The following GPR39 variants were observed in gnomAD, a reference collection of about 807,000 sequenced individuals.
The protein encoded by GPR39 is zinc sensing receptor.
Under a neutral mutation model 18.4 loss-of-function variants are expected in GPR39, and 23 were observed. The observed-to-expected ratio is 1.25, with a 90% CI of 0.90 to 1.77. The LOEUF (loss-of-function observed/expected upper bound fraction) is 1.77. GPR39 is among the 40% of genes most tolerant of loss of function. GPR39 has a pLI of 0.00. For missense variants in GPR39, 647 were observed against 602.4 expected (o/e 1.07, Z -0.78); for synonymous variants, 280 against 257.9 (o/e 1.09, Z -0.82).
chr2:132,549,915 T>A (rs1243800613), intron 1 of GPR39, among the ~76,000 whole-genome samples: 1 of 152,236 alleles, frequency 6.6e-6, no homozygotes, highest in Non-Finnish European at 1.5e-5. Flanking sequence ...TGTCTTTTTG[T>A]GATGCTCATA....
At chr2:132,437,606 G>T (rs1680349463) in intron 1 of GPR39, among the ~76,000 whole-genome samples, 1 of 152,152 alleles carries the variant, frequency 6.6e-6, no homozygotes, top group South Asian at 2.1e-4. Flanking sequence ...TAGTCTTTGG[G>T]GGTCTTCTCT....
chr2:132,430,939 C>G (rs949300848), intron 1 of GPR39, among the ~76,000 whole-genome samples: 4 of 152,272 alleles, frequency 2.6e-5, no homozygotes, highest in African/African-American at 9.6e-5. Flanking sequence ...CTTCCCCTTC[C>G]CCCTGGCTGA....
At chr2:132,440,175 A>C (rs910034218) in intron 1 of GPR39, among the ~76,000 whole-genome samples, 2 of 152,184 alleles carry the variant, frequency 1.3e-5, no homozygotes, top group African/African-American at 2.4e-5. Context: ...AGCCATCTCC[A>C]AAGGACAGAG....
intron 1 of GPR39, among the ~76,000 whole-genome samples, chr2:132,615,359 AC>A (rs1014582723): frequency 1.3e-5 from 2 of 151,940 alleles, no homozygotes; most frequent in Non-Finnish European, 2.9e-5. Context: ...CTGGAGGCCC[AC>A]CCCCGCTTTG....
At chr2:132,564,948 C>T (rs1464181477) in intron 1 of GPR39, among the ~76,000 whole-genome samples, 1 of 151,114 alleles carries the variant, frequency 6.6e-6, no homozygotes, top group Non-Finnish European at 1.5e-5. Flanking sequence ...TCTTGAGTAG[C>T]TGGGATTACA....
chr2:132,622,469 G>C (rs1681460349), intron 1 of GPR39, among the ~76,000 whole-genome samples: 1 of 152,152 alleles, frequency 6.6e-6, no homozygotes, highest in Admixed American at 6.5e-5. Context: ...CATGGACCAG[G>C]GAAACAGTCT....
Position 132,457,289 on chromosome 2 carries a change from C to T in GPR39, c.856+39391C>T, listed in dbSNP as rs539814117. Among the ~76,000 whole-genome samples the T allele has an allele frequency of 3.3e-3, 497 of 152,288 alleles. 4 individuals are homozygous for T. The highest frequency in any genetic ancestry group is 0.012 in the African/African-American group (478 of 41,552). On this transcript the variant is annotated intron_variant, in intron 1 of 1. Transcript: ENST00000329321. ...ATGGAATCAGCTATTGAAGCTTATGCGTGCATCATGAAGTTCTCGTGCTAT... is the reference window on the plus strand; with the variant it reads ...ATGGAATCAGCTATTGAAGCTTATGTGTGCATCATGAAGTTCTCGTGCTAT...
chr2:132,532,956 C>T (rs1465412940), intron 1 of GPR39, among the ~76,000 whole-genome samples: 2 of 152,258 alleles, frequency 1.3e-5, no homozygotes, highest in East Asian at 1.9e-4. Flanking sequence ...TGCCCTCTCT[C>T]ACCACTCCTA....
rs145970253 is a variant in GPR39, at chr2:132,543,468, C to T, written c.857-101633C>T. On this transcript the variant is annotated intron_variant, in intron 1 of 1. Coordinates refer to ENST00000329321, the MANE Select transcript of GPR39 (RefSeq NM_001508.3). Reference sequence around the variant, plus strand: ...TCAGAGGTTCTCCAGGGTCGCTTCCCTTACTATCTTCCTAAAGCAAGCTGG... The same window carrying T: ...TCAGAGGTTCTCCAGGGTCGCTTCCTTTACTATCTTCCTAAAGCAAGCTGG... Among the ~76,000 whole-genome samples the T allele has an allele frequency of 3.7e-3, 563 of 152,248 alleles. 2 individuals are homozygous for T. Among genetic ancestry groups the T allele is most frequent in the African/African-American group, 0.013 (521 of 41,550 alleles).
At chr2:132,644,949 CT>C in intron 1 of GPR39, 151 bp from the exon 2 acceptor site, 2 of 803,612 alleles carry the variant, frequency 2.5e-6, no homozygotes, top group Non-Finnish European at 3.8e-6. Context: ...GCAAAAGAAG[CT>C]GTCAAGTCCA....
intron 1 of GPR39, among the ~76,000 whole-genome samples, chr2:132,543,849 G>A (rs114850205): frequency 0.012 from 1,874 of 152,282 alleles, 47 homozygotes; most frequent in African/African-American, 0.043. Flanking sequence ...AGAATAGGCA[G>A]CTAATGTTTC....
intron 1 of GPR39, among the ~76,000 whole-genome samples, chr2:132,445,637 TTTA>T (rs1363589496): frequency 2.6e-5 from 4 of 151,178 alleles, no homozygotes; most frequent in Non-Finnish European, 5.9e-5. Flanking sequence ...TATACAGGGA[TTTA>T]TTGTTGTGTC....
At chr2:132,448,999 C>T (rs1299005320) in intron 1 of GPR39, among the ~76,000 whole-genome samples, 1 of 152,216 alleles carries the variant, frequency 6.6e-6, no homozygotes, top group Non-Finnish European at 1.5e-5. Flanking sequence ...CAACCCCCTG[C>T]AGGCTGTTTG....
chr2:132,526,520 C>G (rs1679512035), intron 1 of GPR39, among the ~76,000 whole-genome samples: 1 of 152,194 alleles, frequency 6.6e-6, no homozygotes, highest in Non-Finnish European at 1.5e-5. Context: ...GTATGTTTTT[C>G]TTAATGTGAG....
chr2:132,432,450 A>G (rs1227453031), intron 1 of GPR39, among the ~76,000 whole-genome samples: 1 of 152,204 alleles, frequency 6.6e-6, no homozygotes, highest in Non-Finnish European at 1.5e-5. Flanking sequence ...AATTCAGACC[A>G]TAGCATCCTC....
intron 1 of GPR39, among the ~76,000 whole-genome samples, chr2:132,479,154 C>CTAT (rs1681185835): frequency 6.6e-6 from 1 of 152,128 alleles, no homozygotes; most frequent in Non-Finnish European, 1.5e-5. Context: ...TATTTAATGA[C>CTAT]TATTTATTAA....
intron 1 of GPR39, among the ~76,000 whole-genome samples, chr2:132,535,210 A>G (rs1277558200): frequency 6.6e-6 from 1 of 152,124 alleles, no homozygotes; most frequent in Non-Finnish European, 1.5e-5. Context: ...TATGTCATAA[A>G]TAGCTCTTAT....
At chr2:132,631,069 G>A (rs959637761) in intron 1 of GPR39, among the ~76,000 whole-genome samples, 8 of 152,282 alleles carry the variant, frequency 5.3e-5, no homozygotes, top group African/African-American at 1.9e-4. Flanking sequence ...TCAAATCAGA[G>A]TGACGGAGGA....
chr2:132,455,029 T>C (rs1680695837), intron 1 of GPR39, among the ~76,000 whole-genome samples: 2 of 152,194 alleles, frequency 1.3e-5, no homozygotes, highest in African/African-American at 4.8e-5. Flanking sequence ...TCTTTTTCTA[T>C]TGATTGGAAT....
Sources: gnomAD v4.1 joint callset for allele counts (sites outside exome capture counted in the v4.1 genomes callset) on GRCh38, gnomAD v4.1.1 for gene constraint, MANE v1.5 for transcripts, NCBI Gene and HGNC (gene_info 2026-07-23, HGNC 2026-07-21) for gene names.